USH1C: variants seen among roughly 807,000 people sequenced by gnomAD.
USH1C encodes the protein harmonin.
A neutral mutation model predicts 119.3 loss-of-function variants in USH1C; 90 were observed. The observed-to-expected ratio is 0.75, with a 90% CI of 0.64 to 0.90. USH1C has a LOEUF of 0.90. Among genes scored for constraint, USH1C ranks in the 40% least tolerant of loss-of-function variants. The pLI is 0.00. For synonymous variants in USH1C, 465 were observed against 443.3 expected, an observed-to-expected ratio of 1.05 and a Z score of -0.62; for missense variants, 1,165 against 1,167.7, an observed-to-expected ratio of 1.00 and a Z score of 0.03.
chr11:17,533,766 G>T (rs924318120), intron 1 of USH1C: 2 of 459,538 alleles, frequency 4.4e-6, no homozygotes, highest in South Asian at 1.5e-5. Context: ...AAGGATTTGG[G>T]CCACTCGCTT....
At chr11:17,518,108 G>A (rs547258109) in intron 14 of USH1C, among the ~76,000 whole-genome samples, 12 of 152,362 alleles carry the variant, frequency 7.9e-5, no homozygotes, top group Middle Eastern at 3.4e-3. Flanking sequence ...TAGTATACCC[G>A]TTTGCTTGTG....
At chr11:17,495,325 G>A (rs1489700497) in intron 26 of USH1C, among the ~76,000 whole-genome samples, 4 of 152,226 alleles carry the variant, frequency 2.6e-5, no homozygotes, top group African/African-American at 9.6e-5. Flanking sequence ...GCCGTGATGA[G>A]TCAGGACACC....
rs189420616 is a variant in USH1C, at chr11:17,531,346, G to A, written c.248+53C>T. On this transcript the variant is annotated intron_variant, in intron 3 of 26. Coordinates refer to ENST00000005226, the MANE Select transcript of USH1C (RefSeq NM_153676.4). The surrounding 1 kb of genome is among the most constrained non-coding windows in gnomAD (Gnocchi z 4.2). ...GCAGCTTGGCTGCCAGCACTGCCCC[G>A]CCCAGGGTGATCTCTCCACCCCCTG... The A allele has an allele frequency of 1.1e-4, 177 of 1,613,818 alleles. 1 individual carries two copies. In the Admixed American group the frequency reaches 1.3e-3, roughly 11 times the overall value.
Position 17,531,420 on chromosome 11 carries a change from T to C in USH1C, c.227A>G (p.Gln76Arg). Residue 76 changes from glutamine (Q) to arginine (R), a missense_variant, in exon 3 of 27, where the codon CAG (glutamine) becomes CGG (arginine). Coordinates refer to ENST00000005226, the MANE Select transcript of USH1C (RefSeq NM_153676.4). This position sits in a 1 kb window ranked among gnomAD's most constrained non-coding sequence, Gnocchi z 4.2. ...IPLKHQVEYD[Q>R]LTPRRSRKLK... ...GCACCTGGAGCGCCGGGGGGTCAGCTGATCATATTCCACCTGGTGCTTCAG... is the reference window on the plus strand; with the variant it reads ...GCACCTGGAGCGCCGGGGGGTCAGCCGATCATATTCCACCTGGTGCTTCAG... The C allele has an allele frequency of 6.2e-7, 1 of 1,614,082 alleles. No individual in the cohort carries two copies. Among genetic ancestry groups the C allele is most frequent in the Non-Finnish European group, 8.5e-7 (1 of 1,179,986 alleles).
intron 15 of USH1C, among the ~76,000 whole-genome samples, chr11:17,515,695 G>T (rs1465075508): frequency 6.6e-6 from 1 of 152,218 alleles, no homozygotes; most frequent in East Asian, 1.9e-4. Flanking sequence ...AAGATTTAGA[G>T]AGAAAATTAA....
chr11:17,533,361 G>GTA, intron 1 of USH1C, 39 bp from the exon 2 acceptor site: 1 of 1,351,488 alleles, frequency 7.4e-7, no homozygotes, highest in Non-Finnish European at 1.0e-6. Flanking sequence ...TCCAGGCTCA[G>GTA]CACCCGCCCC....
chr11:17,531,492 T>C lies in USH1C; in HGVS notation c.155A>G (p.Glu52Gly). Residue 52 changes from glutamate to glycine, a missense_variant, in exon 3 of 27, where the codon GAA (glutamate) becomes GGA (glycine). Physicochemically the swap from Glu to Gly is moderately conservative, Grantham distance 98. Coordinates refer to ENST00000005226, the MANE Select transcript of USH1C (RefSeq NM_153676.4). The surrounding 1 kb of genome is among the most constrained non-coding windows in gnomAD (Gnocchi z 4.2). ...LVGDLKLVINEPSRLPLFDAI... is the reference protein window; with the variant it reads ...LVGDLKLVINGPSRLPLFDAI... ...ATCAAACAGAGGCAGACGGCTGGGT[T>C]CATTGATGACCAGCTTCAGGTCTCC... 1 of 1,613,946 alleles carries C rather than the reference T, an allele frequency of 6.2e-7. No homozygotes were observed. Among genetic ancestry groups the C allele is most frequent in the South Asian group, 1.1e-5 (1 of 91,066 alleles).
intron 1 of USH1C, 79 bp downstream of exon 1, chr11:17,544,193 G>GT: frequency 6.3e-7 from 1 of 1,588,132 alleles, no homozygotes; most frequent in Non-Finnish European, 8.6e-7. Flanking sequence ...GGGAGGGGCA[G>GT]TGCCGGGGTG....
rs772265283 is a variant in USH1C, at chr11:17,496,752, A to G, written c.2546+6T>C. ...GGTCTCAGGCTAGGTGCTTGCACACACTTACAGCTCATCGTCATACTCCTT... is the reference window on the plus strand; with the variant it reads ...GGTCTCAGGCTAGGTGCTTGCACACGCTTACAGCTCATCGTCATACTCCTT... On this transcript the variant is annotated splice_donor_region_variant and intron_variant, in intron 25 of 26. Transcript: ENST00000005226. The G allele has an allele frequency of 1.9e-6, 3 of 1,614,210 alleles. No homozygotes were observed. Among genetic ancestry groups the G allele is most frequent in the Non-Finnish European group, 2.5e-6 (3 of 1,180,006 alleles).
At chr11:17,519,366 T>C (rs1343835790) in intron 14 of USH1C, among the ~76,000 whole-genome samples, 1 of 152,230 alleles carries the variant, frequency 6.6e-6, no homozygotes, top group Admixed American at 6.5e-5. Flanking sequence ...AAGATCACAT[T>C]TACCTTGAGC....
intron 12 of USH1C, 32 bp downstream of exon 12, chr11:17,522,752 G>C (rs376167025): frequency 6.2e-7 from 1 of 1,613,330 alleles, no homozygotes; most frequent in Non-Finnish European, 8.5e-7. Context: ...GGTGGGAGGC[G>C]GGACAGGGCA....
intron 20 of USH1C, chr11:17,502,191 G>C: frequency 1.8e-6 from 1 of 555,768 alleles, no homozygotes; most frequent in Non-Finnish European, 3.2e-6. Flanking sequence ...GGCTGAGGAA[G>C]ACTTTAGAGG....
rs544356477 is a variant in USH1C, at chr11:17,496,190, AAGAC to A, written c.2547-517_2547-514del. On this transcript the variant is annotated intron_variant, in intron 25 of 26. Transcript: ENST00000005226. The stretch of plus-strand genomic sequence containing the variant: ...CAGGAAGGAAGGAAAGGGTGAAAGA[AAGAC>A]AGAGAGGGAGGAGGAGAGAAGACAG... Among the ~76,000 whole-genome samples the A allele has an allele frequency of 1.1e-4, 16 of 152,086 alleles. No individual in the cohort carries two copies. In the East Asian group the frequency reaches 2.9e-3, roughly 28 times the overall value.
intron 18 of USH1C, 83 bp downstream of exon 18, chr11:17,509,273 C>T: frequency 6.8e-7 from 1 of 1,478,350 alleles, no homozygotes; most frequent in Non-Finnish European, 9.0e-7. Flanking sequence ...TCTCCACTCT[C>T]AGGAGCAGTG....
In USH1C at chr11:17,496,987, C is replaced by T. The variant is rs1591954407; in HGVS notation, c.2491-174G>A. 9.3e-6 allele frequency: 6 copies of T among 642,694 alleles called. No homozygotes were observed. In the East Asian group the frequency reaches 1.4e-4, roughly 15 times the overall value. The allele number at this position is 642,694 out of a possible 1,614,324, so 39.8% of individuals were successfully genotyped here. ...TCCATGGTCTGAGGACGTTTCTAGTCTCTGAGGCTTCGGGACCATAGAGGA... is the reference window on the plus strand; with the variant it reads ...TCCATGGTCTGAGGACGTTTCTAGTTTCTGAGGCTTCGGGACCATAGAGGA... On this transcript the variant is annotated intron_variant, in intron 24 of 26. Coordinates refer to ENST00000005226, the MANE Select transcript of USH1C (RefSeq NM_153676.4).
intron 15 of USH1C, among the ~76,000 whole-genome samples, chr11:17,513,346 C>T (rs932193628): frequency 1.3e-5 from 2 of 152,138 alleles, no homozygotes; most frequent in African/African-American, 4.8e-5. Flanking sequence ...ACCCCCGCCC[C>T]CAACAAGCCT....
chr11:17,536,330 C>CT (rs1456477296), intron 1 of USH1C, among the ~76,000 whole-genome samples: 1 of 152,214 alleles, frequency 6.6e-6, no homozygotes, highest in African/African-American at 2.4e-5. Flanking sequence ...AGAAATGTAT[C>CT]TTGCTGTAGC....
At position 17,522,888 on chromosome 11, in the gene USH1C, T is replaced by C; in HGVS notation, c.915A>G (p.Ala305=). 6.2e-7 allele frequency: 1 copy of C among 1,611,668 alleles called. No individual in the cohort carries two copies. Among genetic ancestry groups the C allele is most frequent in the Non-Finnish European group, 8.5e-7 (1 of 1,179,390 alleles). Residue 305 remains alanine (A), a synonymous_variant, in exon 12 of 27, where the codon GCA becomes GCG. Coordinates refer to ENST00000005226, the MANE Select transcript of USH1C (RefSeq NM_153676.4). ...ELFMTDRERL[A]EARQRELQRQ... ...GCTGCAGCTCACGCTGCCGCGCCTC[T>C]GCCAGCCGCTCCCGGTCTGTCATGA...
intron 1 of USH1C, 132 bp downstream of exon 1, chr11:17,544,140 G>C (rs1168308211): frequency 8.4e-7 from 1 of 1,194,066 alleles, no homozygotes; most frequent in Non-Finnish European, 1.2e-6. Context: ...GACGACCCTC[G>C]GGTGTCCCAG....
Sources: gnomAD v4.1 joint callset for allele counts (sites outside exome capture counted in the v4.1 genomes callset) on GRCh38, gnomAD v4.1.1 for gene constraint, Gnocchi (gnomAD v3.1) non-coding constraint, MANE v1.5 for transcripts, NCBI Gene and HGNC (gene_info 2026-07-23, HGNC 2026-07-21) for gene names.